Variants in GALNT2 observed in about 807,000 individuals in gnomAD.
The protein encoded by GALNT2 is UDP-GalNAc:polypeptide N-acetylgalactosaminyltransferase 2.
GALNT2 carries 31 observed loss-of-function variants against 81.4 expected under a neutral mutation model. That is an observed-to-expected ratio of 0.38 (90% CI 0.29 to 0.51). The LOEUF is 0.51. GALNT2 is among the 20% of genes least tolerant of loss of function. GALNT2 has a pLI of 0.87. For synonymous variants in GALNT2, 303 were observed against 287.4 expected (o/e 1.05, Z -0.55); for missense variants, 629 against 765.7 (o/e 0.82, Z 2.11).
chr1:230,168,213 T>C (rs1662676055), intron 1 of GALNT2, among the ~76,000 whole-genome samples: 1 of 152,214 alleles, frequency 6.6e-6, no homozygotes, highest in Non-Finnish European at 1.5e-5. Context: ...GCTAGAATTA[T>C]ATATCATCTC....
chr1:230,164,201 G>T (rs1662526320), intron 1 of GALNT2, among the ~76,000 whole-genome samples: 1 of 152,204 alleles, frequency 6.6e-6, no homozygotes, highest in Non-Finnish European at 1.5e-5. Context: ...TGGCATCACT[G>T]TTGCTGTTAT....
At chr1:230,252,865 T>TTTTTTTTTTTTG (rs869247533) in intron 10 of GALNT2, among the ~76,000 whole-genome samples, 1 of 137,988 alleles carries the variant, frequency 7.2e-6, no homozygotes, top group Non-Finnish European at 1.6e-5. Flanking sequence ...TTTTTTTTTT[T>TTTTTTTTTTTTG]GAGATGGAGT....
chr1:230,164,017 G>GT (rs1266437163), intron 1 of GALNT2, among the ~76,000 whole-genome samples: 9 of 151,946 alleles, frequency 5.9e-5, no homozygotes, highest in South Asian at 2.1e-4. Context: ...TCTTGACTTT[G>GT]TTTTTTTTGG....
At chr1:230,072,749 C>T (rs893198069) in intron 1 of GALNT2, among the ~76,000 whole-genome samples, 7 of 152,306 alleles carry the variant, frequency 4.6e-5, no homozygotes, top group Admixed American at 1.3e-4. Flanking sequence ...GAGTGCCCTC[C>T]GGTTCCTAGC....
At chr1:230,187,164 G>A (rs1663362369) in intron 2 of GALNT2, among the ~76,000 whole-genome samples, 1 of 152,190 alleles carries the variant, frequency 6.6e-6, no homozygotes, top group African/African-American at 2.4e-5. Context: ...ACAGATGAAG[G>A]AGCCAGATCT....
At chr1:230,094,008 G>A (rs958137573) in intron 1 of GALNT2, among the ~76,000 whole-genome samples, 1 of 151,822 alleles carries the variant, frequency 6.6e-6, no homozygotes, top group African/African-American at 2.4e-5. Context: ...GTCCACCTGT[G>A]TGTGTGTGTT....
intron 13 of GALNT2, chr1:230,264,457 CA>C (rs1665972779): frequency 1.3e-5 from 2 of 152,284 alleles, no homozygotes; most frequent in Non-Finnish European, 2.9e-5. Flanking sequence ...CTGGGCCCCG[CA>C]CCCACTGAAG....
chr1:230,132,754 C>T (rs1278559513), intron 1 of GALNT2, among the ~76,000 whole-genome samples: 1 of 152,204 alleles, frequency 6.6e-6, no homozygotes, highest in Non-Finnish European at 1.5e-5. Flanking sequence ...TAAAGGACTG[C>T]TATATTAGTT....
At chr1:230,075,877 C>T (rs887473839) in intron 1 of GALNT2, among the ~76,000 whole-genome samples, 3 of 152,132 alleles carry the variant, frequency 2.0e-5, no homozygotes, top group Non-Finnish European at 2.9e-5. Context: ...AAGAGGGAGC[C>T]ATTGTGGTTC....
intron 1 of GALNT2, among the ~76,000 whole-genome samples, chr1:230,060,570 A>C (rs1353057083): frequency 6.6e-6 from 1 of 152,148 alleles, no homozygotes; most frequent in Admixed American, 6.5e-5. Flanking sequence ...CTATTATCCA[A>C]CTAAGAAATG....
At chr1:230,242,709 CTATT>C (rs1313751532) in intron 6 of GALNT2, among the ~76,000 whole-genome samples, 1 of 152,060 alleles carries the variant, frequency 6.6e-6, no homozygotes, top group African/African-American at 2.4e-5. Context: ...TTGAAATACA[CTATT>C]TGTATTTTGT....
chr1:230,189,389 T>C (rs183360377), intron 2 of GALNT2, among the ~76,000 whole-genome samples: 150 of 152,322 alleles, frequency 9.8e-4, no homozygotes, highest in African/African-American at 3.4e-3. Context: ...CAGAAATTGC[T>C]AATGTTCACG....
At position 230,243,779 on chromosome 1, in the gene GALNT2, G is replaced by A. The variant is rs188921858; in HGVS notation, c.729+352G>A. ...TCGCAGAGTGCTTAGAACATTGCCCGGCACCTAGCAAGTGCCATCTCTTGC... is the reference window on the plus strand; with the variant it reads ...TCGCAGAGTGCTTAGAACATTGCCCAGCACCTAGCAAGTGCCATCTCTTGC... On this transcript the variant is annotated intron_variant, in intron 7 of 15. Transcript: ENST00000366672. This position sits in a 1 kb window ranked among gnomAD's most constrained non-coding sequence, Gnocchi z 4.2. Among the ~76,000 whole-genome samples, 3 of 152,270 alleles carry A rather than the reference G, an allele frequency of 2.0e-5. No homozygotes were observed. The highest frequency in any genetic ancestry group is 4.8e-5 in the African/African-American group (2 of 41,550).
At chr1:230,168,285 A>T (rs1182455405) in intron 1 of GALNT2, among the ~76,000 whole-genome samples, 1 of 152,224 alleles carries the variant, frequency 6.6e-6, no homozygotes, top group Non-Finnish European at 1.5e-5. Context: ...CTAAGAGCTG[A>T]CCTGCTTCAT....
At chr1:230,153,500 C>T (rs1662153139) in intron 1 of GALNT2, among the ~76,000 whole-genome samples, 1 of 152,034 alleles carries the variant, frequency 6.6e-6, no homozygotes, top group African/African-American at 2.4e-5. Context: ...GAAAAAACAC[C>T]CATAATGCTT....
intron 14 of GALNT2, among the ~76,000 whole-genome samples, chr1:230,274,073 C>T (rs1360055352): frequency 6.6e-6 from 1 of 152,230 alleles, no homozygotes; most frequent in African/African-American, 2.4e-5. Context: ...CAACTGTCTA[C>T]CTGGTGTATA....
intron 12 of GALNT2, 116 bp from the exon 13 acceptor site, chr1:230,262,806 G>A (rs1665918956): frequency 7.7e-7 from 1 of 1,302,582 alleles, no homozygotes; most frequent in Non-Finnish European, 1.1e-6. Flanking sequence ...AGCATGGGCA[G>A]TCCACACCAC....
At chr1:230,098,762 G>A (rs1167178648) in intron 1 of GALNT2, among the ~76,000 whole-genome samples, 2 of 152,176 alleles carry the variant, frequency 1.3e-5, no homozygotes, top group Admixed American at 6.5e-5. Context: ...GGAAGTCTTA[G>A]AGGCCTTCTT....
At chr1:230,092,195 T>TTTTGTTTTTTTTTTTGCACTTA (rs1660112138) in intron 1 of GALNT2, among the ~76,000 whole-genome samples, 1 of 150,028 alleles carries the variant, frequency 6.7e-6, no homozygotes, top group Non-Finnish European at 1.5e-5. Context: ...TTTTTTTTTT[T>TTTTGTTTTTTTTTTTGCACTTA]TGCACTGATC....
Sources: allele counts gnomAD v4.1 joint callset (sites outside exome capture counted in the v4.1 genomes callset), GRCh38; gene constraint gnomAD v4.1.1; non-coding constraint Gnocchi (gnomAD v3.1); transcripts MANE v1.5; gene names NCBI Gene and HGNC (gene_info 2026-07-23, HGNC 2026-07-21).